Variants in MTREX observed in about 807,000 individuals in gnomAD.
MTREX encodes the protein exosome RNA helicase MTR4.
Under a neutral mutation model 135.4 loss-of-function variants are expected in MTREX, and 76 were observed. The observed-to-expected ratio is 0.56, with a 90% CI of 0.47 to 0.68. MTREX has a LOEUF of 0.68. Among genes scored for constraint, MTREX ranks in the 30% least tolerant of loss-of-function variants. MTREX has a pLI of 0.00. For missense variants in MTREX, 920 were observed against 1,262.1 expected (o/e 0.73, Z 4.11); for synonymous variants, 404 against 401.6 (o/e 1.01, Z -0.07).
chr5:55,363,583 A>G (rs1209723979), intron 15 of MTREX, among the ~76,000 whole-genome samples: 1 of 152,006 alleles, frequency 6.6e-6, no homozygotes, highest in Admixed American at 6.5e-5. Context: ...TGTTTTAGTT[A>G]ACTGATGAAA....
At position 55,350,919 on chromosome 5, in the gene MTREX, G is replaced by A. The variant is rs1436462807; in HGVS notation, c.1321G>A (p.Val441Ile). 2.5e-6 allele frequency: 4 copies of A among 1,589,132 alleles called. No homozygotes were observed. The highest frequency in any genetic ancestry group is 3.4e-6 in the Non-Finnish European group (4 of 1,171,094). The stretch of plus-strand genomic sequence containing the variant: ...AATCAGTGTTATTCCAAAATCACAG[G>A]TAGAACATGTACTTCCTCTTTTGAA... ...LSDEDKKLPQ[V>I]EHVLPLLKRG... is the part of the protein sequence containing the mutation. The change falls in exon 13 of 27, where the codon GTA (valine) becomes ATA (isoleucine). Residue 441 changes from valine to isoleucine, a missense_variant and splice_region_variant. By Grantham distance (29) the Val-to-Ile change is conservative. This residue lies in a region of MTREX where 101 missense variants were observed against 119.1 expected (regional missense o/e 0.85). Transcript: ENST00000230640.
intron 10 of MTREX, among the ~76,000 whole-genome samples, chr5:55,345,511 CT>C (rs1346651366): frequency 6.6e-6 from 1 of 152,046 alleles, no homozygotes; most frequent in Admixed American, 6.6e-5. Flanking sequence ...GTTATTCTCC[CT>C]TTTCCCCCAA....
intron 15 of MTREX, among the ~76,000 whole-genome samples, chr5:55,365,465 A>G (rs1030735957): frequency 2.6e-5 from 4 of 152,118 alleles, no homozygotes; most frequent in Non-Finnish European, 4.4e-5. Flanking sequence ...TAAAATCCTG[A>G]CTGCATACAT....
chr5:55,370,324 C>A (rs967702421), intron 16 of MTREX, among the ~76,000 whole-genome samples: 25 of 152,122 alleles, frequency 1.6e-4, no homozygotes, highest in African/African-American at 4.8e-4. Flanking sequence ...CAGCCTTGGC[C>A]CACATAAACT....
intron 5 of MTREX, among the ~76,000 whole-genome samples, chr5:55,331,507 A>G (rs10062324): frequency 0.14 from 20,668 of 152,148 alleles, 1,733 homozygotes; most frequent in East Asian, 0.26. Flanking sequence ...GGGAAACCAC[A>G]TTTCTGCCAG....
chr5:55,378,215 C>T (rs1750337450), intron 16 of MTREX, 99 bp from the exon 17 acceptor site: 17 of 1,353,690 alleles, frequency 1.3e-5, no homozygotes, highest in Non-Finnish European at 1.6e-5. Context: ...AAAACCGCAA[C>T]TACACTTGCA....
chr5:55,350,426 T>G (rs1749807264), intron 12 of MTREX, among the ~76,000 whole-genome samples: 1 of 152,234 alleles, frequency 6.6e-6, no homozygotes, highest in South Asian at 2.1e-4. Context: ...AGCCATGTTT[T>G]TATACATCTT....
chr5:55,316,499 G>A (rs1026661544), intron 1 of MTREX, among the ~76,000 whole-genome samples: 1 of 152,086 alleles, frequency 6.6e-6, no homozygotes, highest in Non-Finnish European at 1.5e-5. Context: ...CAACAAATGT[G>A]AGTCATCACA....
intron 18 of MTREX, among the ~76,000 whole-genome samples, chr5:55,385,279 A>T (rs1212117746): frequency 1.3e-5 from 2 of 152,132 alleles, no homozygotes. Flanking sequence ...CCATTGCCTT[A>T]TAAACCAGGG....
At position 55,366,809 on chromosome 5, in the gene MTREX, G is replaced by C; in HGVS notation, c.1744G>C (p.Glu582Gln). 6.2e-7 allele frequency: 1 copy of C among 1,610,192 alleles called. No individual in the cohort carries two copies. The highest frequency in any genetic ancestry group is 8.5e-7 in the Non-Finnish European group (1 of 1,178,004). ...ACTACGTGTAGAAGAAATTAATCCT[G>C]AGTACATGTTGGAAAAATCCTTCTA... ...NLLRVEEINP[E>Q]YMLEKSFYQF... Residue 582 changes from glutamate to glutamine, a missense_variant, in exon 16 of 27, where the codon GAG (glutamate) becomes CAG (glutamine). By Grantham distance (29) the Glu-to-Gln change is conservative. Coordinates refer to ENST00000230640, the MANE Select transcript of MTREX (RefSeq NM_015360.5).
intron 1 of MTREX, among the ~76,000 whole-genome samples, chr5:55,313,576 A>G (rs951076032): frequency 6.6e-6 from 1 of 152,152 alleles, no homozygotes; most frequent in African/African-American, 2.4e-5. Flanking sequence ...TTTTGCCCTC[A>G]ATATATTGTG....
Position 55,422,930 on chromosome 5 carries a change from T to A in MTREX, c.3024T>A (p.Cys1008Ter). ...RRLEELLRQM[C>*]QAAKAIGNTE... ...TGGAAGAATTGCTTCGACAAATGTGTCAAGCAGCAAAAGCCATTGGAAACA... is the reference window on the plus strand; with the variant it reads ...TGGAAGAATTGCTTCGACAAATGTGACAAGCAGCAAAAGCCATTGGAAACA... The change falls in exon 26 of 27, where the codon TGT (cysteine) becomes TGA (stop). Residue 1008 changes from cysteine (C) to a stop codon, truncating the protein, a stop_gained. Coordinates refer to ENST00000230640, the MANE Select transcript of MTREX (RefSeq NM_015360.5). LOFTEE classifies it high-confidence loss of function. The A allele has an allele frequency of 6.2e-7, 1 of 1,614,146 alleles. No homozygotes were observed. The highest frequency in any genetic ancestry group is 8.5e-7 in the Non-Finnish European group (1 of 1,180,000).
intron 19 of MTREX, among the ~76,000 whole-genome samples, chr5:55,390,112 CTTT>C (rs1331436033): frequency 6.6e-6 from 1 of 150,642 alleles, no homozygotes; most frequent in Non-Finnish European, 1.5e-5. Flanking sequence ...TTTCTTTTTT[CTTT>C]TTTTTTGAGA....
chr5:55,421,017 A>C (rs1046360165), intron 25 of MTREX, among the ~76,000 whole-genome samples: 1 of 152,200 alleles, frequency 6.6e-6, no homozygotes, highest in Non-Finnish European at 1.5e-5. Context: ...ACTAGAAAGA[A>C]TTGGATTTCT....
intron 16 of MTREX, among the ~76,000 whole-genome samples, chr5:55,374,262 A>ATT (rs1554033274): frequency 2.9e-5 from 4 of 139,168 alleles, no homozygotes; most frequent in South Asian, 4.6e-4. Context: ...CTCAAAAAAC[A>ATT]TTTATATATA....
chr5:55,369,272 G>A (rs1356314046), intron 16 of MTREX, among the ~76,000 whole-genome samples: 2 of 152,118 alleles, frequency 1.3e-5, no homozygotes, highest in Non-Finnish European at 2.9e-5. Context: ...TGAAACAGGT[G>A]TAAGATTACA....
At chr5:55,333,837 T>G (rs1749512408) in intron 5 of MTREX, among the ~76,000 whole-genome samples, 1 of 152,124 alleles carries the variant, frequency 6.6e-6, no homozygotes. Flanking sequence ...GACCCAGCAT[T>G]TCTACTCCTA....
chr5:55,398,098 C>A (rs1750672443), intron 20 of MTREX, among the ~76,000 whole-genome samples: 1 of 152,086 alleles, frequency 6.6e-6, no homozygotes, highest in Non-Finnish European at 1.5e-5. Flanking sequence ...ATTAGTAGGA[C>A]TCAGTGGTAT....
chr5:55,425,050 T>C lies in MTREX; in HGVS notation c.*278T>C. 1 of 1,031,080 alleles carries C rather than the reference T, an allele frequency of 9.7e-7. No individual in the cohort carries two copies. Among genetic ancestry groups the C allele is most frequent in the Admixed American group, 2.4e-5 (1 of 41,782 alleles). 63.9% of individuals were successfully genotyped at this position (1,031,080 alleles called of 1,614,324 possible). On this transcript the variant is annotated 3_prime_UTR_variant, in exon 27 of 27. Transcript: ENST00000230640. ...TATTAGATAACCACTGAGTTAAAGGTAACTATGTACACACAAAGTGTGCAT... is the reference window on the plus strand; with the variant it reads ...TATTAGATAACCACTGAGTTAAAGGCAACTATGTACACACAAAGTGTGCAT...
Sources: gnomAD v4.1 joint callset for allele counts (sites outside exome capture counted in the v4.1 genomes callset) on GRCh38, gnomAD v4.1.1 for gene constraint, gnomAD v4.1.1 regional missense constraint, MANE v1.5 for transcripts, NCBI Gene and HGNC (gene_info 2026-07-23, HGNC 2026-07-21) for gene names.